Variants in SLC35F1 observed in about 807,000 individuals in gnomAD.
SLC35F1 encodes the protein solute carrier family 35 member F1.
A neutral mutation model predicts 48.7 loss-of-function variants in SLC35F1; 14 were observed. That is an observed-to-expected ratio of 0.29 (90% confidence interval 0.19 to 0.45). SLC35F1 has a LOEUF of 0.45. Among genes scored for constraint, SLC35F1 ranks in the 20% least tolerant of loss-of-function variants. The pLI, the probability that SLC35F1 is intolerant of heterozygous loss-of-function variation, is 1.00. For missense variants in SLC35F1, 404 were observed against 500.0 expected (o/e 0.81, Z 1.83); for synonymous variants, 190 against 202.2 (o/e 0.94, Z 0.51).
intron 2 of SLC35F1, among the ~76,000 whole-genome samples, chr6:118,192,961 T>C (rs963655034): frequency 2.0e-5 from 3 of 152,180 alleles, no homozygotes; most frequent in Admixed American, 1.3e-4. Flanking sequence ...AAGTCATTCA[T>C]TTAGCCAAAA....
At chr6:118,071,076 T>C (rs62431229) in intron 1 of SLC35F1, among the ~76,000 whole-genome samples, 49 of 672 alleles carry the variant, frequency 0.073, no homozygotes, top group Non-Finnish European at 0.094. Flanking sequence ...ATATATACTA[T>C]GTGTATATAT....
intron 1 of SLC35F1, among the ~76,000 whole-genome samples, chr6:117,966,131 G>GC (rs35420310): frequency 0.34 from 33,689 of 99,480 alleles, 8,067 homozygotes; most frequent in Non-Finnish European, 0.4. Flanking sequence ...GCAGGCCACC[G>GC]CCCCCCCCCC....
At chr6:118,223,472 G>A (rs1025221892) in intron 2 of SLC35F1, among the ~76,000 whole-genome samples, 3 of 152,136 alleles carry the variant, frequency 2.0e-5, no homozygotes, top group Non-Finnish European at 4.4e-5. Context: ...CAGTTATGTG[G>A]CAGAGTCAGT....
intron 1 of SLC35F1, among the ~76,000 whole-genome samples, chr6:117,958,805 C>T (rs1016588230): frequency 6.6e-6 from 1 of 152,162 alleles, no homozygotes; most frequent in African/African-American, 2.4e-5. Context: ...CTATATACTT[C>T]TTTATATGTT....
At chr6:118,073,879 A>G (rs1455965726) in intron 1 of SLC35F1, among the ~76,000 whole-genome samples, 3 of 152,206 alleles carry the variant, frequency 2.0e-5, no homozygotes, top group African/African-American at 7.2e-5. Flanking sequence ...AAATTGATTT[A>G]TAATATAAAT....
chr6:118,297,344 C>T (rs1776198790), intron 7 of SLC35F1, among the ~76,000 whole-genome samples: 1 of 152,086 alleles, frequency 6.6e-6, no homozygotes, highest in African/African-American at 2.4e-5. Flanking sequence ...TGGATTTCAT[C>T]ACTACTGGTA....
intron 2 of SLC35F1, among the ~76,000 whole-genome samples, chr6:118,225,013 AG>A (rs1775196506): frequency 6.6e-6 from 1 of 152,232 alleles, no homozygotes; most frequent in African/African-American, 2.4e-5. Flanking sequence ...TACTGATGAA[AG>A]AAATTGAAGA....
At chr6:117,958,778 T>TTTAAC (rs1339520483) in intron 1 of SLC35F1, among the ~76,000 whole-genome samples, 1 of 152,232 alleles carries the variant, frequency 6.6e-6, no homozygotes, top group Non-Finnish European at 1.5e-5. Context: ...GTTTCCTCAT[T>TTTAAC]GTTAAGCTAC....
chr6:118,042,821 T>A (rs1310139788), intron 1 of SLC35F1, among the ~76,000 whole-genome samples: 4 of 152,196 alleles, frequency 2.6e-5, no homozygotes, highest in Admixed American at 2.0e-4. Context: ...GGTGACCAAT[T>A]GAATGTGGAA....
intron 2 of SLC35F1, among the ~76,000 whole-genome samples, chr6:118,189,889 C>T (rs1382818357): frequency 4.7e-4 from 71 of 152,300 alleles, no homozygotes; most frequent in African/African-American, 2.4e-5. Context: ...TATTTGAACA[C>T]AGTTTGAACA....
At chr6:118,215,206 G>A (rs530725043) in intron 2 of SLC35F1, among the ~76,000 whole-genome samples, 2 of 152,246 alleles carry the variant, frequency 1.3e-5, no homozygotes, top group South Asian at 4.1e-4. Flanking sequence ...GACATGTTCT[G>A]TTCCATGGGG....
chr6:118,175,064 A>C (rs1014137749), intron 2 of SLC35F1, among the ~76,000 whole-genome samples: 2 of 152,162 alleles, frequency 1.3e-5, no homozygotes, highest in African/African-American at 4.8e-5. Flanking sequence ...CCTGTACTTC[A>C]TCGCATTTGT....
At chr6:118,305,732 G>T (rs4280998) in intron 7 of SLC35F1, among the ~76,000 whole-genome samples, 2,173 of 152,186 alleles carry the variant, frequency 0.014, 64 homozygotes, top group African/African-American at 0.049. Flanking sequence ...AGGGTAGGAA[G>T]AAAACAAATA....
chr6:118,298,051 G>T (rs924260209), intron 7 of SLC35F1, among the ~76,000 whole-genome samples: 1 of 151,954 alleles, frequency 6.6e-6, no homozygotes, highest in African/African-American at 2.4e-5. Flanking sequence ...CATGTGACAT[G>T]CCTGCACCTC....
chr6:118,302,374 T>A (rs1776262732), intron 7 of SLC35F1, among the ~76,000 whole-genome samples: 1 of 152,150 alleles, frequency 6.6e-6, no homozygotes, highest in African/African-American at 2.4e-5. Context: ...AGGAACCATT[T>A]CAGGAAGTAA....
rs551549876 is a variant in SLC35F1 at position 118,255,456 on chromosome 6, G to A, written c.478-11539G>A. On this transcript the variant is annotated intron_variant, in intron 3 of 7. Coordinates refer to ENST00000360388, the MANE Select transcript of SLC35F1 (RefSeq NM_001029858.4). Reference sequence around the variant, plus strand: ...TCAACAAGGAGGATCTTGCCCCCAGGACAGCTCTGCTCTCACCGAAGGCAG... The same window carrying A: ...TCAACAAGGAGGATCTTGCCCCCAGAACAGCTCTGCTCTCACCGAAGGCAG... 2.0e-5 allele frequency among the ~76,000 whole-genome samples: 3 copies of A among 152,270 alleles called. No homozygotes were observed. The East Asian group carries it at 5.8e-4, about 29-fold the overall frequency.
At chr6:118,247,624 T>C (rs549730036) in intron 3 of SLC35F1, among the ~76,000 whole-genome samples, 5 of 152,332 alleles carry the variant, frequency 3.3e-5, no homozygotes, top group African/African-American at 9.6e-5. Context: ...ATAAATCACA[T>C]TTTTTCTTTA....
At chr6:118,313,535 A>C (rs11968293) in intron 7 of SLC35F1, among the ~76,000 whole-genome samples, 63,511 of 152,098 alleles carry the variant, frequency 0.42, 13,937 homozygotes, top group Middle Eastern at 0.56. Flanking sequence ...AATTCCTCTT[A>C]GGAAGACAAA....
chr6:117,931,138 G>T (rs1401310621), intron 1 of SLC35F1, among the ~76,000 whole-genome samples: 1 of 152,100 alleles, frequency 6.6e-6, no homozygotes, highest in African/African-American at 2.4e-5. Flanking sequence ...TTTGGTGCTA[G>T]GAGGTTACCA....
Sources: gnomAD v4.1 joint callset for allele counts (sites outside exome capture counted in the v4.1 genomes callset) on GRCh38, gnomAD v4.1.1 for gene constraint, MANE v1.5 for transcripts, NCBI Gene and HGNC (gene_info 2026-07-23, HGNC 2026-07-21) for gene names.